OXR1: variants seen among roughly 807,000 people sequenced by gnomAD.
The protein encoded by OXR1 is oxidation resistance 1.
OXR1 carries 41 observed loss-of-function variants against 104.6 expected under a neutral mutation model. The observed-to-expected ratio is 0.39, with a 90% confidence interval of 0.31 to 0.51. The LOEUF (loss-of-function observed/expected upper bound fraction) is 0.51. OXR1 is among the 20% of genes least tolerant of loss of function. The pLI is 0.77. For synonymous variants in OXR1, 348 were observed against 348.4 expected (o/e 1.00, Z 0.01); for missense variants, 955 against 1,031.9 (o/e 0.93, Z 1.02).
At chr8:106,300,678 A>T (rs1038392504) in intron 1 of OXR1, among the ~76,000 whole-genome samples, 11 of 152,194 alleles carry the variant, frequency 7.2e-5, no homozygotes, top group African/African-American at 2.7e-4. Context: ...CAGACATTTC[A>T]GAAACAGATC....
Position 106,399,700 on chromosome 8 carries a change from A to T in OXR1, c.23+40064A>T, listed in dbSNP as rs1332479712. 2.0e-5 allele frequency among the ~76,000 whole-genome samples: 3 copies of T among 152,172 alleles called. No individual in the cohort carries two copies. The East Asian group carries it at 5.8e-4, about 29-fold the overall frequency. Reference sequence around the variant, plus strand: ...CACTTTAACCAAACAGATGTAACACAATCTAGCTTAAACAGGTGCTACTAT... The same window carrying T: ...CACTTTAACCAAACAGATGTAACACTATCTAGCTTAAACAGGTGCTACTAT... On this transcript the variant is annotated intron_variant, in intron 2 of 16. Transcript: ENST00000517566.
intron 1 of OXR1, among the ~76,000 whole-genome samples, chr8:106,301,402 C>A (rs1490873016): frequency 2.0e-5 from 3 of 152,072 alleles, no homozygotes; most frequent in Non-Finnish European, 2.9e-5. Flanking sequence ...AATACTCAGT[C>A]AGTAGGAAAA....
chr8:106,391,350 T>C (rs17252909), intron 2 of OXR1, among the ~76,000 whole-genome samples: 15,421 of 152,134 alleles, frequency 0.1, 822 homozygotes, highest in Middle Eastern at 0.14. Context: ...ATTTTGGGCA[T>C]GAGTTGCTAA....
chr8:106,345,527 C>T (rs1485930580), intron 1 of OXR1, among the ~76,000 whole-genome samples: 8 of 152,112 alleles, frequency 5.3e-5, no homozygotes, highest in Non-Finnish European at 1.5e-5. Context: ...ATGTTTAAGT[C>T]GTAGGTGAGT....
chr8:106,279,328 G>C (rs996064776), intron 1 of OXR1, among the ~76,000 whole-genome samples: 22 of 152,114 alleles, frequency 1.4e-4, no homozygotes, highest in Non-Finnish European at 4.4e-5. Flanking sequence ...GAAATACCTA[G>C]AGAGAAATCA....
chr8:106,546,009 T>A (rs1309747828), intron 3 of OXR1, among the ~76,000 whole-genome samples: 2 of 136,348 alleles, frequency 1.5e-5, no homozygotes, highest in Non-Finnish European at 1.6e-5. Context: ...AAAAAAAAAA[T>A]TGAATGATGC....
At position 106,618,864 on chromosome 8, in the gene OXR1, A is replaced by AT. The variant is rs35525392; in HGVS notation, c.221-60335dup. On this transcript the variant is annotated intron_variant, in intron 3 of 16. Coordinates refer to ENST00000517566, the MANE Select transcript of OXR1 (RefSeq NM_001198533.2). ...GAAAAACGAGGCAAGAAATAGGAGG[A>AT]TTTTTTTTTTTGCCTTTTTTCTTTT... 1.9e-3 allele frequency among the ~76,000 whole-genome samples: 287 copies of AT among 147,398 alleles called. 1 individual carries two copies. Among genetic ancestry groups the AT allele is most frequent in the East Asian group, 0.011 (55 of 5,068 alleles).
intron 2 of OXR1, among the ~76,000 whole-genome samples, chr8:106,434,293 A>G (rs2130571422): frequency 6.6e-6 from 1 of 152,308 alleles, no homozygotes; most frequent in Middle Eastern, 3.4e-3. Flanking sequence ...CCACTAAATC[A>G]TAGAGAAACC....
chr8:106,368,253 T>C (rs1333173055), intron 2 of OXR1, among the ~76,000 whole-genome samples: 1 of 151,990 alleles, frequency 6.6e-6, no homozygotes, highest in Non-Finnish European at 1.5e-5. Flanking sequence ...AAAAATAAGA[T>C]ATAATAAAAA....
At chr8:106,272,262 G>C (rs1474948794) in intron 1 of OXR1, 2 of 152,314 alleles carry the variant, frequency 1.3e-5, no homozygotes, top group African/African-American at 4.8e-5. Context: ...GGTGAGAGTG[G>C]GGGAGGGGTT....
chr8:106,740,515 T>C lies in OXR1; in HGVS notation c.2316+20T>C. ...GGACAGGTATGAAACACCAACTGCA[T>C]AGATTGCTTATCCTTTAAGAGCAGT... On this transcript the variant is annotated intron_variant, in intron 14 of 16. Coordinates refer to ENST00000517566, the MANE Select transcript of OXR1 (RefSeq NM_001198533.2). The C allele has an allele frequency of 6.3e-7, 1 of 1,593,720 alleles. No individual in the cohort carries two copies. The highest frequency in any genetic ancestry group is 8.6e-7 in the Non-Finnish European group (1 of 1,168,084).
At chr8:106,596,045 A>C (rs1173054028) in intron 3 of OXR1, among the ~76,000 whole-genome samples, 2 of 152,192 alleles carry the variant, frequency 1.3e-5, no homozygotes, top group African/African-American at 2.4e-5. Flanking sequence ...AAAACTTTCT[A>C]CTGACGCTTC....
At chr8:106,398,845 T>G (rs749331996) in intron 2 of OXR1, among the ~76,000 whole-genome samples, 3 of 152,112 alleles carry the variant, frequency 2.0e-5, no homozygotes, top group African/African-American at 4.8e-5. Flanking sequence ...CATAGCTATT[T>G]GCTATTCTTC....
At chr8:106,437,975 C>A (rs1324369260) in intron 2 of OXR1, among the ~76,000 whole-genome samples, 1 of 152,086 alleles carries the variant, frequency 6.6e-6, no homozygotes, top group Non-Finnish European at 1.5e-5. Context: ...TATACACTAG[C>A]TGGAGAGATG....
At chr8:106,696,198 T>G (rs1229875869) in intron 7 of OXR1, among the ~76,000 whole-genome samples, 1 of 152,170 alleles carries the variant, frequency 6.6e-6, no homozygotes, top group East Asian at 1.9e-4. Context: ...TTTTTTAGAG[T>G]GTCATATAGT....
intron 2 of OXR1, among the ~76,000 whole-genome samples, chr8:106,507,026 G>A (rs897929468): frequency 1.3e-5 from 2 of 152,036 alleles, no homozygotes; most frequent in Non-Finnish European, 1.5e-5. Context: ...GAGTTCAGAG[G>A]CTGCAGTGAG....
rs186593850 is a variant in OXR1 at position 106,533,497 on chromosome 8, G to T, written c.220+14358G>T. On this transcript the variant is annotated intron_variant, in intron 3 of 16. Coordinates refer to ENST00000517566, the MANE Select transcript of OXR1 (RefSeq NM_001198533.2). The stretch of plus-strand genomic sequence containing the variant: ...CAGCACATTGGTTTGGTATCTATTA[G>T]TTTTTGCACTTAGTGTAAATCACAC... Among the ~76,000 whole-genome samples the T allele has an allele frequency of 1.1e-4, 16 of 152,242 alleles. No individual in the cohort carries two copies. In the East Asian group the frequency reaches 2.7e-3, roughly 26 times the overall value.
At chr8:106,578,391 TACTGGGATTTG>T (rs1482345824) in intron 3 of OXR1, among the ~76,000 whole-genome samples, 1 of 152,210 alleles carries the variant, frequency 6.6e-6, no homozygotes, top group African/African-American at 2.4e-5. Flanking sequence ...TTAAAGCAGA[TACTGGGATTTG>T]ACAAGATAAT....
chr8:106,423,888 G>C (rs981620872), intron 2 of OXR1, among the ~76,000 whole-genome samples: 3 of 152,094 alleles, frequency 2.0e-5, no homozygotes, highest in Non-Finnish European at 4.4e-5. Context: ...CTTCCAAGCA[G>C]TCTTTTAAAT....
Sources: allele counts gnomAD v4.1 joint callset (sites outside exome capture counted in the v4.1 genomes callset), GRCh38; gene constraint gnomAD v4.1.1; transcripts MANE v1.5; gene names NCBI Gene and HGNC (gene_info 2026-07-23, HGNC 2026-07-21).